COL11A1: variants seen among roughly 807,000 people sequenced by gnomAD.
The protein encoded by COL11A1 is collagen type XI alpha 1 chain.
A neutral mutation model predicts 265.2 loss-of-function variants in COL11A1; 74 were observed. The observed-to-expected ratio is 0.28, with a 90% CI of 0.23 to 0.34. The LOEUF (loss-of-function observed/expected upper bound fraction) is 0.34. Among genes scored for constraint, COL11A1 ranks in the 10% least tolerant of loss-of-function variants. The pLI is 1.00. For synonymous variants in COL11A1, 816 were observed against 727.6 expected (o/e 1.12, Z -1.96); for missense variants, 2,165 against 2,263.6 (o/e 0.96, Z 0.88).
At chr1:103,098,577 C>CA (rs1355927878) in intron 1 of COL11A1, among the ~76,000 whole-genome samples, 2 of 151,894 alleles carry the variant, frequency 1.3e-5, no homozygotes, top group Non-Finnish European at 2.9e-5. Flanking sequence ...TTCATTCATT[C>CA]AAAAAATATT....
chr1:103,031,004 A>AT, intron 5 of COL11A1, 112 bp downstream of exon 5: 1 of 1,281,302 alleles, frequency 7.8e-7, no homozygotes, highest in South Asian at 1.3e-5. Context: ...CACAATTAAA[A>AT]TACAAAGCAT....
In COL11A1 at chr1:103,103,132, C is replaced by T. The variant is rs902706154; in HGVS notation, c.106+4941G>A. On this transcript the variant is annotated intron_variant, in intron 1 of 66. Coordinates refer to ENST00000370096, the MANE Select transcript of COL11A1 (RefSeq NM_001854.4). Reference sequence around the variant, plus strand: ...ACCTTTATTAGAATTTGCACTACTACGTTCTCTCCTATTTTTTTCTTCAGT... The same window carrying T: ...ACCTTTATTAGAATTTGCACTACTATGTTCTCTCCTATTTTTTTCTTCAGT... 9.9e-5 allele frequency among the ~76,000 whole-genome samples: 15 copies of T among 151,954 alleles called. 1 individual carries two copies. The Middle Eastern group carries it at 0.024, about 241-fold the overall frequency.
chr1:102,927,234 T>C (rs1656697867), intron 46 of COL11A1, among the ~76,000 whole-genome samples: 1 of 152,138 alleles, frequency 6.6e-6, no homozygotes, highest in Non-Finnish European at 1.5e-5. Flanking sequence ...ATGACTTAAT[T>C]TACCATTTCT....
intron 16 of COL11A1, 62 bp downstream of exon 16, chr1:103,006,200 A>AATAAATAAATAG (rs758259561): frequency 2.9e-6 from 4 of 1,377,026 alleles, no homozygotes; most frequent in Non-Finnish European, 3.9e-6. Flanking sequence ...TAAATAAATA[A>AATAAATAAATAG]ATAAATAAAA....
chr1:102,986,478 G>T (rs1261988996), intron 30 of COL11A1, among the ~76,000 whole-genome samples: 1 of 151,094 alleles, frequency 6.6e-6, no homozygotes, highest in Non-Finnish European at 1.5e-5. Flanking sequence ...AGAGTTAATG[G>T]GTGCAGCACA....
intron 4 of COL11A1, among the ~76,000 whole-genome samples, chr1:103,069,637 T>G (rs972513401): frequency 2.6e-4 from 39 of 151,924 alleles, no homozygotes; most frequent in African/African-American, 7.7e-4. Flanking sequence ...GGAAAAAATA[T>G]TTGCAAACAT....
chr1:103,085,723 A>T (rs1558040554), intron 1 of COL11A1, among the ~76,000 whole-genome samples: 1 of 152,126 alleles, frequency 6.6e-6, no homozygotes, highest in African/African-American at 2.4e-5. Flanking sequence ...GTTTGAGAAC[A>T]TTTTTTTGCA....
At position 102,957,820 on chromosome 1, in the gene COL11A1, T is replaced by C. The variant is rs187631763; in HGVS notation, c.3168+4046A>G. 4.1e-3 allele frequency among the ~76,000 whole-genome samples: 631 copies of C among 152,112 alleles called. 4 individuals are homozygous for C. Among genetic ancestry groups the C allele is most frequent in the African/African-American group, 0.015 (602 of 41,510 alleles). ...ATACTTCTTCAAGCCTCAGATCTTT[T>C]GTCTTTAAATATGGAATGGTAAAAT... is the stretch of plus-strand genomic sequence containing the variant. On this transcript the variant is annotated intron_variant, in intron 41 of 66. Transcript: ENST00000370096.
At chr1:102,912,105 T>G in intron 54 of COL11A1, 54 bp downstream of exon 54, 2 of 1,390,990 alleles carry the variant, frequency 1.4e-6, no homozygotes, top group Non-Finnish European at 2.0e-6. Flanking sequence ...TATATAAATT[T>G]ATCCATGGTG....
intron 37 of COL11A1, among the ~76,000 whole-genome samples, chr1:102,967,281 C>T (rs1460200559): frequency 9.2e-6 from 1 of 108,650 alleles, no homozygotes; most frequent in Non-Finnish European, 1.7e-5. Context: ...CGCTCTGTCG[C>T]CCAGGCTGGA....
At chr1:102,904,466 A>G (rs1315410773) in intron 54 of COL11A1, among the ~76,000 whole-genome samples, 2 of 152,184 alleles carry the variant, frequency 1.3e-5, no homozygotes, top group Non-Finnish European at 2.9e-5. Context: ...AATTTTTGCA[A>G]CCTACTTATC....
intron 4 of COL11A1, among the ~76,000 whole-genome samples, chr1:103,046,782 A>G (rs1196369589): frequency 4.0e-5 from 6 of 151,054 alleles, no homozygotes; most frequent in South Asian, 2.1e-4. Flanking sequence ...TGATTTTTGT[A>G]TAAGGTGTAA....
At chr1:103,066,738 G>C (rs1272459412) in intron 4 of COL11A1, among the ~76,000 whole-genome samples, 1 of 151,544 alleles carries the variant, frequency 6.6e-6, no homozygotes. Flanking sequence ...CCAATTAAAA[G>C]GCAGAAATTT....
At chr1:102,993,786 G>T (rs1664357115) in intron 28 of COL11A1, among the ~76,000 whole-genome samples, 1 of 152,110 alleles carries the variant, frequency 6.6e-6, no homozygotes. Flanking sequence ...CAATTCTACT[G>T]CCTTAGCCAC....
chr1:102,960,772 G>T (rs115128062), intron 41 of COL11A1, among the ~76,000 whole-genome samples: 1 of 152,058 alleles, frequency 6.6e-6, no homozygotes, highest in Non-Finnish European at 1.5e-5. Flanking sequence ...AGCAATTGGG[G>T]TTGAACTATG....
chr1:102,884,995 C>T (rs941988656), intron 63 of COL11A1, among the ~76,000 whole-genome samples: 1 of 152,154 alleles, frequency 6.6e-6, no homozygotes. Flanking sequence ...GGTTCTACCC[C>T]GTACCTGGGA....
intron 47 of COL11A1, 40 bp downstream of exon 47, chr1:102,923,296 T>C (rs762571375): frequency 1.3e-6 from 2 of 1,527,056 alleles, no homozygotes; most frequent in Admixed American, 3.4e-5. Context: ...CTGCCATGCA[T>C]ATAACACATA....
chr1:103,031,809 G>C (rs1038935715), intron 4 of COL11A1, among the ~76,000 whole-genome samples: 2 of 148,874 alleles, frequency 1.3e-5, no homozygotes, highest in Admixed American at 1.3e-4. Flanking sequence ...GAAAAATCCA[G>C]ATTAAAAATA....
chr1:102,983,239 C>T (rs986944), intron 31 of COL11A1, among the ~76,000 whole-genome samples: 44,834 of 151,808 alleles, frequency 0.3, 7,148 homozygotes, highest in African/African-American at 0.42. Context: ...ATGCTTAAAA[C>T]ATGTATATTT....
Sources: allele counts gnomAD v4.1 joint callset (sites outside exome capture counted in the v4.1 genomes callset), GRCh38; gene constraint gnomAD v4.1.1; transcripts MANE v1.5; gene names NCBI Gene and HGNC (gene_info 2026-07-23, HGNC 2026-07-21).